The following ANKH variants were observed in gnomAD, a reference collection of about 807,000 sequenced individuals.
ANKH encodes the protein mineralization regulator ANKH.
Under a neutral mutation model 49.0 loss-of-function variants are expected in ANKH, and 15 were observed. That is an observed-to-expected ratio of 0.31 (90% CI 0.20 to 0.47). ANKH has a LOEUF of 0.47. ANKH is among the 20% of genes least tolerant of loss of function. ANKH has a pLI of 1.00. For synonymous variants in ANKH, 273 were observed against 260.0 expected (o/e 1.05, Z -0.48); for missense variants, 429 against 652.0 (o/e 0.66, Z 3.72).
At position 14,755,311 on chromosome 5, in the gene ANKH, T is replaced by C. The variant is rs1170590232; in HGVS notation, c.516+550A>G. Among the ~76,000 whole-genome samples, 3 of 152,322 alleles carry C rather than the reference T, an allele frequency of 2.0e-5. No homozygotes were observed. The East Asian group carries it at 5.8e-4, about 29-fold the overall frequency. Reference sequence around the variant, plus strand: ...GAATTGGACCCAACAGAAAGTGGGATGTAGGCCTTCTTCTCAGACCGCGTG... The same window carrying C: ...GAATTGGACCCAACAGAAAGTGGGACGTAGGCCTTCTTCTCAGACCGCGTG... On this transcript the variant is annotated intron_variant, in intron 4 of 11. Coordinates refer to ENST00000284268, the MANE Select transcript of ANKH (RefSeq NM_054027.6).
At chr5:14,716,635 C>T (rs914529221) in intron 9 of ANKH, 71 bp downstream of exon 9, 5 of 1,599,618 alleles carry the variant, frequency 3.1e-6, no homozygotes, top group African/African-American at 1.3e-5. Flanking sequence ...TAATTGCAAA[C>T]ATTTCCAAAG....
At chr5:14,765,321 T>C (rs1012846188) in intron 2 of ANKH, among the ~76,000 whole-genome samples, 3 of 152,194 alleles carry the variant, frequency 2.0e-5, no homozygotes, top group Non-Finnish European at 4.4e-5. Context: ...GTGTGCATAG[T>C]ATGGACAGTA....
At chr5:14,764,838 C>A (rs772632660) in intron 2 of ANKH, among the ~76,000 whole-genome samples, 5 of 152,198 alleles carry the variant, frequency 3.3e-5, no homozygotes, top group Non-Finnish European at 5.9e-5. Context: ...CAGGAACCTG[C>A]AGTTTTGTTC....
At chr5:14,769,977 C>G (rs1471288053) in intron 1 of ANKH, among the ~76,000 whole-genome samples, 2 of 152,170 alleles carry the variant, frequency 1.3e-5, no homozygotes, top group Non-Finnish European at 2.9e-5. Context: ...TACTTCCAAA[C>G]TAAATTTCCC....
intron 2 of ANKH, chr5:14,768,519 T>C: frequency 4.7e-6 from 1 of 212,540 alleles, no homozygotes; most frequent in Non-Finnish European, 9.6e-6. Context: ...TAGTCTTGTC[T>C]TTGAATAAAA....
rs140409133 is a variant in ANKH at position 14,740,264 on chromosome 5, C to T, written c.1011+1563G>A. 2.8e-3 allele frequency among the ~76,000 whole-genome samples: 430 copies of T among 152,332 alleles called. 5 individuals are homozygous for T. The highest frequency in any genetic ancestry group is 0.01 in the African/African-American group (420 of 41,576). Reference sequence around the variant, plus strand: ...ACCTTGGATTTCCAGCCATTTAACACAGTCTCCAAATGCTGAGGTCTTTTC... The same window carrying T: ...ACCTTGGATTTCCAGCCATTTAACATAGTCTCCAAATGCTGAGGTCTTTTC... On this transcript the variant is annotated intron_variant, in intron 8 of 11. Coordinates refer to ENST00000284268, the MANE Select transcript of ANKH (RefSeq NM_054027.6).
At chr5:14,762,074 T>A (rs1031175804) in intron 2 of ANKH, among the ~76,000 whole-genome samples, 1 of 152,126 alleles carries the variant, frequency 6.6e-6, no homozygotes. Context: ...CCCTTTTGCC[T>A]TTAAAAACCT....
intron 1 of ANKH, among the ~76,000 whole-genome samples, chr5:14,867,306 G>A (rs559769499): frequency 5.9e-5 from 9 of 152,138 alleles, no homozygotes; most frequent in East Asian, 1.9e-4. Flanking sequence ...TTTACTACCC[G>A]TGTCATCTTG....
intron 8 of ANKH, among the ~76,000 whole-genome samples, chr5:14,740,871 A>G (rs1297610872): frequency 6.6e-6 from 1 of 152,232 alleles, no homozygotes; most frequent in Admixed American, 6.5e-5. Context: ...GTTATTGACA[A>G]TGACAACTGC....
chr5:14,752,025 G>A (rs1738736071), intron 4 of ANKH, among the ~76,000 whole-genome samples: 1 of 152,182 alleles, frequency 6.6e-6, no homozygotes, highest in Non-Finnish European at 1.5e-5. Context: ...CACTAAAAAT[G>A]GGCTGGGTGC....
At position 14,711,305 on chromosome 5, in the gene ANKH, C is replaced by CT. The variant is rs1351267640; in HGVS notation, c.1370dup (p.Lys458GlufsTer5). 2 of 1,614,064 alleles carry CT rather than the reference C, an allele frequency of 1.2e-6. No homozygotes were observed. Among genetic ancestry groups the CT allele is most frequent in the Non-Finnish European group, 1.7e-6 (2 of 1,179,922 alleles). Reference sequence around the variant, plus strand: ...CCGTGGCCGACTCATTCTCCATCTTCTTTTTCTAGACCAAAGAAGACTCAT... The same window carrying CT: ...CCGTGGCCGACTCATTCTCCATCTTCTTTTTTCTAGACCAAAGAAGACTCAT... On this transcript the variant is annotated frameshift_variant, in exon 12 of 12. Coordinates refer to ENST00000284268, the MANE Select transcript of ANKH (RefSeq NM_054027.6). LOFTEE classifies it high-confidence loss of function.
At chr5:14,793,391 C>T (rs1033705502) in intron 1 of ANKH, among the ~76,000 whole-genome samples, 3 of 151,938 alleles carry the variant, frequency 2.0e-5, no homozygotes, top group Non-Finnish European at 4.4e-5. Flanking sequence ...TGGCTTTGCC[C>T]AGTAGCTCTT....
intron 8 of ANKH, among the ~76,000 whole-genome samples, chr5:14,728,029 T>C (rs1268719046): frequency 4.6e-5 from 7 of 152,226 alleles, no homozygotes; most frequent in Non-Finnish European, 1.5e-5. Flanking sequence ...TCATCTTACC[T>C]AAATTCCCCC....
At chr5:14,814,086 G>C (rs1285619633) in intron 1 of ANKH, among the ~76,000 whole-genome samples, 1 of 152,162 alleles carries the variant, frequency 6.6e-6, no homozygotes, top group Non-Finnish European at 1.5e-5. Context: ...ACATCCTCGA[G>C]ACAGCGTTCC....
intron 7 of ANKH, among the ~76,000 whole-genome samples, chr5:14,743,346 G>T (rs697565): frequency 0.19 from 28,538 of 152,096 alleles, 2,876 homozygotes; most frequent in African/African-American, 0.25. Context: ...TACTGCCATG[G>T]GGACAGCAAC....
intron 8 of ANKH, among the ~76,000 whole-genome samples, chr5:14,720,427 G>A (rs1362881428): frequency 6.6e-6 from 1 of 152,194 alleles, no homozygotes; most frequent in Non-Finnish European, 1.5e-5. Flanking sequence ...ATCGTACACA[G>A]TCATAGCCCT....
chr5:14,722,443 A>T (rs1340783684), intron 8 of ANKH, among the ~76,000 whole-genome samples: 1 of 152,110 alleles, frequency 6.6e-6, no homozygotes, highest in Non-Finnish European at 1.5e-5. Flanking sequence ...TCCTTAGAGA[A>T]ATGACTCATT....
At chr5:14,771,644 G>A (rs1188257607) in intron 1 of ANKH, among the ~76,000 whole-genome samples, 1 of 152,054 alleles carries the variant, frequency 6.6e-6, no homozygotes, top group Non-Finnish European at 1.5e-5. Context: ...GTTCCAGCTG[G>A]GTGCGGTGGC....
intron 1 of ANKH, among the ~76,000 whole-genome samples, chr5:14,841,246 A>G (rs1002027091): frequency 6.6e-6 from 1 of 152,190 alleles, no homozygotes; most frequent in African/African-American, 2.4e-5. Context: ...ATAATATTTT[A>G]TACTTATTTT....
Sources: gnomAD v4.1 joint callset for allele counts (sites outside exome capture counted in the v4.1 genomes callset) on GRCh38, gnomAD v4.1.1 for gene constraint, MANE v1.5 for transcripts, NCBI Gene and HGNC (gene_info 2026-07-23, HGNC 2026-07-21) for gene names.